The following MAPK1IP1L variants were observed in gnomAD, a reference collection of about 807,000 sequenced individuals.
MAPK1IP1L encodes the protein mitogen-activated protein kinase 1 interacting protein 1 like, also known as MAPK-interacting and spindle-stabilizing protein-like.
Under a neutral mutation model 18.1 loss-of-function variants are expected in MAPK1IP1L, and 10 were observed. The observed-to-expected ratio is 0.55, with a 90% CI of 0.34 to 0.94. The LOEUF (loss-of-function observed/expected upper bound fraction) is 0.94. Among genes scored for constraint, MAPK1IP1L ranks in the 40% least tolerant of loss-of-function variants. The pLI, the probability that MAPK1IP1L is intolerant of heterozygous loss-of-function variation, is 0.02. For synonymous variants in MAPK1IP1L, 115 were observed against 117.3 expected (o/e 0.98, Z 0.13); for missense variants, 260 against 318.2 (o/e 0.82, Z 1.39).
chr14:55,060,511 T>G (rs1422595183), intron 1 of MAPK1IP1L: 1 of 152,172 alleles, frequency 6.6e-6, no homozygotes, highest in Non-Finnish European at 1.5e-5. Flanking sequence ...GCTAGTCTGC[T>G]TAGTATCTTA....
rs1422150211 is a variant in MAPK1IP1L, at chr14:55,062,725, T to C, written c.126T>C (p.Asn42=). 5 of 1,614,124 alleles carry C rather than the reference T, an allele frequency of 3.1e-6. No homozygotes were observed. In the South Asian group the frequency reaches 4.4e-5, roughly 14 times the overall value. ...GGCCAGGCTCCAACCCTTGGAATAA[T>C]CCGAGTGCTCCATCTTCAGTGCCAT... is the stretch of plus-strand genomic sequence containing the variant. The part of the protein sequence containing the change: ...QGWPGSNPWN[N]PSAPSSVPSG... Residue 42 remains asparagine (N), a synonymous_variant, in exon 3 of 4, where the codon AAT becomes AAC. Coordinates refer to ENST00000395468, the MANE Select transcript of MAPK1IP1L (RefSeq NM_144578.4).
At chr14:55,058,503 T>TAA (rs1434578153) in intron 1 of MAPK1IP1L, among the ~76,000 whole-genome samples, 1 of 152,206 alleles carries the variant, frequency 6.6e-6, no homozygotes, top group East Asian at 1.9e-4. Flanking sequence ...GGACAGGAAC[T>TAA]AAACAGTCCT....
chr14:55,055,306 G>C (rs1264396924), intron 1 of MAPK1IP1L, among the ~76,000 whole-genome samples: 10 of 152,074 alleles, frequency 6.6e-5, no homozygotes, highest in Non-Finnish European at 1.3e-4. Flanking sequence ...TTTATGTTCT[G>C]CAACTCTCCT....
intron 1 of MAPK1IP1L, among the ~76,000 whole-genome samples, chr14:55,057,225 G>A (rs2042779033): frequency 6.6e-6 from 1 of 152,144 alleles, no homozygotes; most frequent in Non-Finnish European, 1.5e-5. Context: ...CCTAGCAAGT[G>A]CAAAACAGAA....
In MAPK1IP1L at chr14:55,062,743, A is replaced by G; in HGVS notation, c.144A>G (p.Ser48=). The change falls in exon 3 of 4, where the codon TCA becomes TCG. Residue 48 remains serine (S), a synonymous_variant. Coordinates refer to ENST00000395468, the MANE Select transcript of MAPK1IP1L (RefSeq NM_144578.4). ...GGAATAATCCGAGTGCTCCATCTTC[A>G]GTGCCATCTGGACTCCCACCAAGTG... The part of the protein sequence containing the change: ...NPWNNPSAPS[S]VPSGLPPSAT... 6.2e-7 allele frequency: 1 copy of G among 1,614,028 alleles called. No homozygotes were observed. The highest frequency in any genetic ancestry group is 8.5e-7 in the Non-Finnish European group (1 of 1,179,996).
chr14:55,058,021 G>A (rs552063575), intron 1 of MAPK1IP1L, among the ~76,000 whole-genome samples: 58 of 152,324 alleles, frequency 3.8e-4, no homozygotes, highest in African/African-American at 1.3e-3. Flanking sequence ...TTCCAGTTCA[G>A]GGTCTCAATG....
Position 55,064,753 on chromosome 14 carries a change from C to T in MAPK1IP1L, c.*126C>T, listed in dbSNP as rs2042849334. The T allele has an allele frequency of 6.1e-6, 5 of 816,908 alleles. No individual in the cohort carries two copies. The highest frequency in any genetic ancestry group is 2.4e-5 in the Admixed American group (1 of 41,316). 50.6% of individuals were successfully genotyped at this position (816,908 alleles called of 1,614,324 possible). On this transcript the variant is annotated 3_prime_UTR_variant, in exon 4 of 4. Coordinates refer to ENST00000395468, the MANE Select transcript of MAPK1IP1L (RefSeq NM_144578.4). The stretch of plus-strand genomic sequence containing the variant: ...TCATGAAAGAACAACTCTTGCACCT[C>T]TCAGAGAAGATAACTGCCTCTTGTA...
intron 1 of MAPK1IP1L, among the ~76,000 whole-genome samples, chr14:55,052,681 G>A (rs570803972): frequency 1.6e-4 from 25 of 152,272 alleles, no homozygotes; most frequent in African/African-American, 6.0e-4. Flanking sequence ...ACAGGCAAAG[G>A]TAGCCTTCAG....
At chr14:55,058,316 C>T (rs2042787495) in intron 1 of MAPK1IP1L, among the ~76,000 whole-genome samples, 1 of 152,220 alleles carries the variant, frequency 6.6e-6, no homozygotes, top group African/African-American at 2.4e-5. Flanking sequence ...AATGAAACGT[C>T]TTTCGAGGAC....
At chr14:55,053,616 C>T (rs923620879) in intron 1 of MAPK1IP1L, among the ~76,000 whole-genome samples, 5 of 152,202 alleles carry the variant, frequency 3.3e-5, no homozygotes, top group African/African-American at 1.2e-4. Context: ...CGTCTAAGGT[C>T]ACTCTGCTAA....
intron 1 of MAPK1IP1L, among the ~76,000 whole-genome samples, chr14:55,059,819 C>G (rs1594625024): frequency 6.6e-6 from 1 of 151,998 alleles, no homozygotes; most frequent in Admixed American, 6.5e-5. Context: ...CAGTACACCA[C>G]CATGTTCCAT....
In MAPK1IP1L at chr14:55,069,926, A is replaced by C. The variant is rs2042893141; in HGVS notation, c.*5299A>C. 1 of 152,226 alleles carries C rather than the reference A, an allele frequency of 6.6e-6. No individual in the cohort carries two copies. Among genetic ancestry groups the C allele is most frequent in the Admixed American group, 6.5e-5 (1 of 15,284 alleles). 9.4% of individuals were successfully genotyped at this position (152,226 alleles called of 1,614,324 possible). On this transcript the variant is annotated 3_prime_UTR_variant, in exon 4 of 4. Coordinates refer to ENST00000395468, the MANE Select transcript of MAPK1IP1L (RefSeq NM_144578.4). ...AACTGCTACGCATTTAGTGAGGGTC[A>C]CATTATTAAACTTGGAGTTTACCAT...
chr14:55,053,460 C>T (rs1430794583), intron 1 of MAPK1IP1L, among the ~76,000 whole-genome samples: 2 of 152,210 alleles, frequency 1.3e-5, no homozygotes, highest in African/African-American at 4.8e-5. Flanking sequence ...TGGACAGAGT[C>T]CCATTTAGTT....
Position 55,064,630 on chromosome 14 carries a change from T to TAACAA in MAPK1IP1L, c.*4_*8dup. The TAACAA allele has an allele frequency of 6.2e-7, 1 of 1,612,654 alleles. No individual in the cohort carries two copies. Among genetic ancestry groups the TAACAA allele is most frequent in the South Asian group, 1.1e-5 (1 of 90,920 alleles). The stretch of plus-strand genomic sequence containing the variant: ...TTCTATTGCAGTCTTACCATTAAGT[T>TAACAA]AACAATGGACGAAGAGATGACGCTT... On this transcript the variant is annotated 3_prime_UTR_variant, in exon 4 of 4. Transcript: ENST00000395468.
At chr14:55,057,609 T>C (rs565707214) in intron 1 of MAPK1IP1L, among the ~76,000 whole-genome samples, 2 of 151,890 alleles carry the variant, frequency 1.3e-5, no homozygotes, top group Admixed American at 1.3e-4. Context: ...ATACAAAAAT[T>C]AGTGGGTGTA....
intron 1 of MAPK1IP1L, among the ~76,000 whole-genome samples, chr14:55,055,728 T>C (rs1310574332): frequency 6.6e-6 from 1 of 152,100 alleles, no homozygotes; most frequent in Admixed American, 6.6e-5. Context: ...GCCAGGAGTT[T>C]GAGACCAGCC....
chr14:55,055,321 T>C (rs1363884550), intron 1 of MAPK1IP1L, among the ~76,000 whole-genome samples: 1 of 152,174 alleles, frequency 6.6e-6, no homozygotes, highest in African/African-American at 2.4e-5. Flanking sequence ...TCTCCTCATA[T>C]TGAAACGTTC....
Position 55,063,125 on chromosome 14 carries a change from G to GCTC in MAPK1IP1L, c.537_539dup (p.Pro180dup), listed in dbSNP as rs753230397. 6.2e-7 allele frequency: 1 copy of GCTC among 1,613,534 alleles called. No individual in the cohort carries two copies. Among genetic ancestry groups the GCTC allele is most frequent in the African/African-American group, 1.3e-5 (1 of 74,946 alleles). On this transcript the variant is annotated inframe_insertion, in exon 3 of 4. Transcript: ENST00000395468. ...ATATCCATCTCCAGGCCCATATCCC[G>GCTC]CTCCTCCTCCTCCCCAAGCCCCTGG...
chr14:55,064,502 T>C (rs2042846834), intron 3 of MAPK1IP1L, 114 bp from the exon 4 acceptor site: 2 of 823,916 alleles, frequency 2.4e-6, no homozygotes, highest in African/African-American at 3.4e-5. Context: ...GAGTAAATGA[T>C]GTGACTTGCT....
Sources: gnomAD v4.1 joint callset for allele counts (sites outside exome capture counted in the v4.1 genomes callset) on GRCh38, gnomAD v4.1.1 for gene constraint, MANE v1.5 for transcripts, NCBI Gene and HGNC (gene_info 2026-07-23, HGNC 2026-07-21) for gene names.